NRXN1: variants seen among roughly 807,000 people sequenced by gnomAD.
NRXN1 encodes neurexin-1.
In NRXN1, 39 loss-of-function variants were observed where a neutral mutation model predicts 150.9. The observed-to-expected ratio is 0.26, with a 90% CI of 0.20 to 0.34. The LOEUF is 0.34. Ranked by LOEUF, NRXN1 falls within the 10% of genes least tolerant of loss-of-function variation. NRXN1 has a pLI of 1.00. For missense variants in NRXN1, 1,815 were observed against 1,949.9 expected (o/e 0.93, Z 1.30); for synonymous variants, 924 against 757.0 (o/e 1.22, Z -3.62).
At chr2:50,334,562 G>A (rs1032130133) in intron 17 of NRXN1, among the ~76,000 whole-genome samples, 1 of 152,084 alleles carries the variant, frequency 6.6e-6, no homozygotes, top group African/African-American at 2.4e-5. Context: ...AGATTGCTAA[G>A]TCATGTTCTT....
At chr2:49,938,465 T>C (rs968150448) in intron 22 of NRXN1, among the ~76,000 whole-genome samples, 1 of 152,208 alleles carries the variant, frequency 6.6e-6, no homozygotes, top group Non-Finnish European at 1.5e-5. Flanking sequence ...GTTGTACTGA[T>C]GACCTCACCT....
chr2:50,930,623 T>C (rs1254916162), intron 2 of NRXN1, among the ~76,000 whole-genome samples: 2 of 152,114 alleles, frequency 1.3e-5, no homozygotes, highest in African/African-American at 4.8e-5. Context: ...CTTCCCCAAG[T>C]CTAAATCTTG....
chr2:50,324,801 T>A (rs2076280930), intron 17 of NRXN1, among the ~76,000 whole-genome samples: 1 of 152,228 alleles, frequency 6.6e-6, no homozygotes. Flanking sequence ...CAGATGGCCC[T>A]GGAGAGGCTG....
intron 5 of NRXN1, among the ~76,000 whole-genome samples, chr2:50,636,534 C>A (rs957075526): frequency 2.0e-5 from 3 of 152,180 alleles, no homozygotes; most frequent in African/African-American, 7.2e-5. Context: ...CTGTGCCAAA[C>A]TCAATTGCTC....
chr2:50,314,170 G>C (rs1026081559), intron 17 of NRXN1, among the ~76,000 whole-genome samples: 1 of 151,962 alleles, frequency 6.6e-6, no homozygotes, highest in African/African-American at 2.4e-5. Context: ...GATGGTAGAC[G>C]CTAGTCCTCC....
intron 22 of NRXN1, among the ~76,000 whole-genome samples, chr2:49,940,257 T>C (rs969780862): frequency 1.1e-4 from 17 of 152,176 alleles, no homozygotes; most frequent in African/African-American, 3.9e-4. Flanking sequence ...CAAATGTGCA[T>C]AGAAGATACA....
chr2:50,194,531 G>A (rs547842142), intron 18 of NRXN1, among the ~76,000 whole-genome samples: 16 of 152,122 alleles, frequency 1.1e-4, no homozygotes, highest in Admixed American at 7.2e-4. Context: ...ACTTCAAAAC[G>A]TATTAGCTGT....
Position 50,921,741 on chromosome 2 carries a change from T to C in NRXN1, c.832+128A>G, listed in dbSNP as rs1558425071. On this transcript the variant is annotated intron_variant, in intron 5 of 22. Coordinates refer to ENST00000401669, the MANE Select transcript of NRXN1 (RefSeq NM_001330078.2). ...TTTCTTATCTTAAATTTATAAAATA[T>C]TTATTAACACATATACCTACCTCCC... 8 of 403,754 alleles carry C rather than the reference T, an allele frequency of 2.0e-5. No homozygotes were observed. In the East Asian group the frequency reaches 3.0e-4, roughly 15 times the overall value. 25.0% of individuals were successfully genotyped at this position (403,754 alleles called of 1,614,324 possible).
chr2:50,937,681 T>C (rs1574985315), intron 2 of NRXN1, among the ~76,000 whole-genome samples: 1 of 152,304 alleles, frequency 6.6e-6, no homozygotes, highest in East Asian at 1.9e-4. Flanking sequence ...ATGATGATGA[T>C]GCAGAATACA....
At chr2:50,139,324 C>CAAAAAAAAAAA in intron 18 of NRXN1, among the ~76,000 whole-genome samples, 1 of 77,402 alleles carries the variant, frequency 1.3e-5, no homozygotes, top group Non-Finnish European at 2.6e-5. Flanking sequence ...GACTTGGTAT[C>CAAAAAAAAAAA]AAAAAAAAAA....
At chr2:50,210,364 G>A (rs561417739) in intron 18 of NRXN1, among the ~76,000 whole-genome samples, 3 of 151,926 alleles carry the variant, frequency 2.0e-5, no homozygotes, top group Non-Finnish European at 2.9e-5. Context: ...TTTTGGAGAT[G>A]AATGGATTGG....
At chr2:50,419,845 C>T (rs950721523) in intron 17 of NRXN1, among the ~76,000 whole-genome samples, 56 of 152,058 alleles carry the variant, frequency 3.7e-4, no homozygotes, top group Admixed American at 3.4e-3. Flanking sequence ...AATAGACACA[C>T]TTCTTTTTGA....
chr2:50,538,726 CTCCTTG>C (rs1309170602), intron 9 of NRXN1, 90 bp from the exon 10 acceptor site: 1 of 1,062,928 alleles, frequency 9.4e-7, no homozygotes, highest in Non-Finnish European at 1.3e-6. Context: ...TGATGGTTAA[CTCCTTG>C]GAGGCAGACA....
At chr2:50,661,882 A>G (rs1294744521) in intron 5 of NRXN1, among the ~76,000 whole-genome samples, 1 of 151,998 alleles carries the variant, frequency 6.6e-6, no homozygotes, top group Non-Finnish European at 1.5e-5. Context: ...TATATTCATG[A>G]AGTGCTTCCT....
chr2:50,898,233 A>C (rs1682326552), intron 5 of NRXN1, among the ~76,000 whole-genome samples: 1 of 152,002 alleles, frequency 6.6e-6, no homozygotes, highest in African/African-American at 2.4e-5. Context: ...TTTCCTCAAA[A>C]ATTTTCTTTT....
chr2:49,962,194 T>C (rs1053670603), intron 21 of NRXN1, among the ~76,000 whole-genome samples: 1 of 152,220 alleles, frequency 6.6e-6, no homozygotes, highest in Admixed American at 6.5e-5. Context: ...TCTTCATAGA[T>C]ACCAATCAAC....
At chr2:50,171,250 T>TGG (rs2060013643) in intron 18 of NRXN1, among the ~76,000 whole-genome samples, 1 of 151,754 alleles carries the variant, frequency 6.6e-6, no homozygotes, top group African/African-American at 2.4e-5. Flanking sequence ...TGTGTGTGTG[T>TGG]GTGTTTGTGT....
chr2:50,935,729 A>C (rs974302763), intron 2 of NRXN1, among the ~76,000 whole-genome samples: 1 of 152,108 alleles, frequency 6.6e-6, no homozygotes, highest in Non-Finnish European at 1.5e-5. Flanking sequence ...TGTCTCAAAA[A>C]CAAAAAAGTA....
rs552013063 is a variant in NRXN1, at chr2:50,177,506, A to C, written c.3546+59283T>G. Among the ~76,000 whole-genome samples, 4 of 151,842 alleles carry C rather than the reference A, an allele frequency of 2.6e-5. No homozygotes were observed. In the East Asian group the frequency reaches 5.8e-4, roughly 22 times the overall value. On this transcript the variant is annotated intron_variant, in intron 18 of 22. Coordinates refer to ENST00000401669, the MANE Select transcript of NRXN1 (RefSeq NM_001330078.2). ...TATCATAAATATATTACTTTTATAT[A>C]AATATAGTAAATATATCTTTTACTT...
Sources: allele counts gnomAD v4.1 joint callset (sites outside exome capture counted in the v4.1 genomes callset), GRCh38; gene constraint gnomAD v4.1.1; transcripts MANE v1.5; gene names NCBI Gene and HGNC (gene_info 2026-07-23, HGNC 2026-07-21).